The following NVL variants were observed in gnomAD, a reference collection of about 807,000 sequenced individuals.
NVL encodes the protein nuclear valosin-containing protein-like.
In NVL, 84 loss-of-function variants were observed where a neutral mutation model predicts 110.2. The ratio of observed to expected loss-of-function variants is 0.76; its 90% CI spans 0.64 to 0.91. The LOEUF is 0.91. NVL is among the 40% of genes least tolerant of loss of function. The pLI is 0.00. For synonymous variants in NVL, 354 were observed against 361.1 expected, an observed-to-expected ratio of 0.98 and a Z score of 0.22; for missense variants, 882 against 1,035.9, an observed-to-expected ratio of 0.85 and a Z score of 2.04.
At chr1:224,247,313 C>T (rs2102747364) in intron 19 of NVL, among the ~76,000 whole-genome samples, 1 of 152,104 alleles carries the variant, frequency 6.6e-6, no homozygotes, top group Non-Finnish European at 1.5e-5. Context: ...TTAAGCCATC[C>T]TCCCACCTCA....
At chr1:224,255,509 T>A (rs1203928456) in intron 18 of NVL, among the ~76,000 whole-genome samples, 3 of 152,168 alleles carry the variant, frequency 2.0e-5, no homozygotes, top group Non-Finnish European at 4.4e-5. Context: ...GTGTAGTTTT[T>A]AATCCTTTAT....
At chr1:224,296,272 A>G (rs554827619) in intron 11 of NVL, among the ~76,000 whole-genome samples, 19 of 152,122 alleles carry the variant, frequency 1.2e-4, no homozygotes, top group African/African-American at 4.3e-4. Context: ...TAGAGGTAGC[A>G]TCTCGCTATG....
At chr1:224,252,850 C>T (rs1662657825) in intron 18 of NVL, among the ~76,000 whole-genome samples, 1 of 152,224 alleles carries the variant, frequency 6.6e-6, no homozygotes, top group African/African-American at 2.4e-5. Context: ...ACCTTTCTCT[C>T]CTGCCCTTAC....
At chr1:224,250,367 A>G in intron 18 of NVL, 49 bp from the exon 19 acceptor site, 4 of 1,427,584 alleles carry the variant, frequency 2.8e-6, no homozygotes, top group Non-Finnish European at 3.7e-6. Flanking sequence ...TTTTATTTTT[A>G]TTTTTTTATT....
chr1:224,246,728 A>G (rs1393521961), intron 19 of NVL, among the ~76,000 whole-genome samples: 1 of 152,154 alleles, frequency 6.6e-6, no homozygotes, highest in Non-Finnish European at 1.5e-5. Context: ...TCTCAAGACC[A>G]TAGTTCCTAA....
At chr1:224,257,225 C>T (rs536421138) in intron 18 of NVL, 4 of 438,994 alleles carry the variant, frequency 9.1e-6, no homozygotes, top group South Asian at 1.9e-5. Flanking sequence ...GAGATGGTTG[C>T]CTGAAAAAGA....
At chr1:224,252,539 C>T (rs1322567934) in intron 18 of NVL, among the ~76,000 whole-genome samples, 1 of 152,114 alleles carries the variant, frequency 6.6e-6, no homozygotes, top group African/African-American at 2.4e-5. Context: ...TATTATTATT[C>T]CCTTTTTAGC....
At chr1:224,275,493 A>G (rs373912536) in intron 16 of NVL, 35 bp from the exon 17 acceptor site, 21 of 1,613,332 alleles carry the variant, frequency 1.3e-5, no homozygotes, top group Non-Finnish European at 1.8e-5. Flanking sequence ...AAATACCAAC[A>G]GTTCAACTTT....
rs1353665760 is a variant in NVL at position 224,308,028 on chromosome 1, T to A, written c.578A>T (p.Glu193Val). The A allele has an allele frequency of 6.4e-7, 1 of 1,555,602 alleles. No homozygotes were observed. The highest frequency in any genetic ancestry group is 2.3e-5 in the East Asian group (1 of 44,190). The change falls in exon 6 of 23, where the codon GAG becomes GTG. Residue 193 changes from glutamate to valine, a missense_variant. Glu to Val is a moderately radical substitution (Grantham distance 121, BLOSUM62 -2). Around this residue, in one of 4 missense-constraint regions of NVL, gnomAD observed 274 missense variants for 268.4 expected, o/e 1.02. Coordinates refer to ENST00000281701, the MANE Select transcript of NVL (RefSeq NM_002533.4). ...TATTGGCTTCTTAGGATTACTTTTC[T>A]CACATGACAGGTCCAAGAAAAAACT... is the stretch of plus-strand genomic sequence containing the variant. ...KDSFFLDLSCEKSNPKKPITE... is the reference protein window; with the variant it reads ...KDSFFLDLSCVKSNPKKPITE...
intron 14 of NVL, 109 bp from the exon 15 acceptor site, chr1:224,286,239 C>T: frequency 5.2e-6 from 4 of 766,056 alleles, no homozygotes; most frequent in Non-Finnish European, 6.3e-6. Flanking sequence ...TTGAGTCTCC[C>T]TCTGTCACCC....
chr1:224,305,492 AAAAAG>A, intron 6 of NVL: 1 of 189,452 alleles, frequency 5.3e-6, no homozygotes, highest in Non-Finnish European at 1.1e-5. Flanking sequence ...GGAAAAAAAA[AAAAAG>A]AAAAAAGAAA....
At chr1:224,317,379 A>G (rs1395762575) in intron 4 of NVL, among the ~76,000 whole-genome samples, 1 of 152,172 alleles carries the variant, frequency 6.6e-6, no homozygotes, top group Non-Finnish European at 1.5e-5. Flanking sequence ...ATCTGTAACT[A>G]GAAGCTAAGG....
chr1:224,297,732 AT>A (rs2102671467), intron 10 of NVL: 1 of 158,428 alleles, frequency 6.3e-6, no homozygotes, highest in South Asian at 1.6e-4. Context: ...CTTTGGCTAT[AT>A]GTATGCAAAT....
In NVL at chr1:224,308,176, T is replaced by C. The variant is rs766803293; in HGVS notation, c.430A>G (p.Arg144Gly). Residue 144 changes from arginine to glycine, a missense_variant, in exon 6 of 23, where the codon AGA (arginine) becomes GGA (glycine). Arg to Gly is a moderately radical substitution (Grantham distance 125). This residue lies in a region of NVL where 274 missense variants were observed against 268.4 expected (regional missense o/e 1.02). Transcript: ENST00000281701. ...CGTGGTGTTGAAGAGGTGGTTTCTC[T>C]TTGCTCCATCTCAGGAGTATTTGAA... ...SVSNTPEMEQ[R>G]ETTSSTPRIS... 2 of 1,613,964 alleles carry C rather than the reference T, an allele frequency of 1.2e-6. No homozygotes were observed. Among genetic ancestry groups the C allele is most frequent in the Non-Finnish European group, 8.5e-7 (1 of 1,180,008 alleles).
intron 14 of NVL, among the ~76,000 whole-genome samples, chr1:224,286,822 G>A (rs1666915526): frequency 6.6e-6 from 1 of 152,106 alleles, no homozygotes; most frequent in Non-Finnish European, 1.5e-5. Context: ...TTCTCTTTCA[G>A]TAGTACATAC....
chr1:224,263,872 G>A (rs1166195475), intron 18 of NVL, among the ~76,000 whole-genome samples: 7 of 152,082 alleles, frequency 4.6e-5, no homozygotes, highest in African/African-American at 9.7e-5. Context: ...AAAATTAGCC[G>A]GGTGTGGTGG....
At chr1:224,285,816 T>C (rs1666802485) in intron 15 of NVL, among the ~76,000 whole-genome samples, 1 of 152,118 alleles carries the variant, frequency 6.6e-6, no homozygotes, top group Non-Finnish European at 1.5e-5. Context: ...ATTGATAGGA[T>C]TATGGTTGAT....
At position 224,273,049 on chromosome 1, in the gene NVL, A is replaced by AC. The variant is rs1410694993; in HGVS notation, c.2082+2289_2082+2290insG. 6.3e-5 allele frequency among the ~76,000 whole-genome samples: 9 copies of AC among 142,890 alleles called. 1 individual carries two copies. The highest frequency in any genetic ancestry group is 2.0e-4 in the East Asian group (1 of 5,022). 93.7% of individuals were successfully genotyped at this position (142,890 alleles called of 152,430 possible). ...ACTCCGTCTCAAAAAAAAACAAAAA[A>AC]AACAAACAAACAAAAAAAAACACAA... On this transcript the variant is annotated intron_variant, in intron 17 of 22. Coordinates refer to ENST00000281701, the MANE Select transcript of NVL (RefSeq NM_002533.4).
At chr1:224,329,299 T>C (rs1246994286) in intron 1 of NVL, among the ~76,000 whole-genome samples, 1 of 152,018 alleles carries the variant, frequency 6.6e-6, no homozygotes, top group African/African-American at 2.4e-5. Flanking sequence ...TTACACTAAA[T>C]GAGATCACAT....
Sources: allele counts gnomAD v4.1 joint callset (sites outside exome capture counted in the v4.1 genomes callset), GRCh38; gene constraint gnomAD v4.1.1; regional missense constraint gnomAD v4.1.1; transcripts MANE v1.5; gene names NCBI Gene and HGNC (gene_info 2026-07-23, HGNC 2026-07-21).